The following FAM163A variants were observed in gnomAD, a reference collection of about 807,000 sequenced individuals.
The protein encoded by FAM163A is family with sequence similarity 163 member A, also known as protein FAM163A.
A neutral mutation model predicts 12.0 loss-of-function variants in FAM163A; 7 were observed. The observed-to-expected ratio is 0.58, with a 90% CI of 0.33 to 1.10. The LOEUF (loss-of-function observed/expected upper bound fraction) is 1.10, where lower values mean the gene tolerates loss of function less well. Ranked by LOEUF, FAM163A falls within the 50% of genes least tolerant of loss-of-function variation. The pLI is 0.03. For synonymous variants in FAM163A, 101 were observed against 91.0 expected (o/e 1.11, Z -0.62); for missense variants, 202 against 218.6 (o/e 0.92, Z 0.48).
chr1:179,797,120 C>G (rs992447674), intron 1 of FAM163A, among the ~76,000 whole-genome samples: 1 of 152,112 alleles, frequency 6.6e-6, no homozygotes, highest in Non-Finnish European at 1.5e-5. Context: ...CAGGACTGCC[C>G]CCTGCAGAGA....
chr1:179,768,184 C>A lies in FAM163A; in HGVS notation c.-136+24761C>A, dbSNP rs180754642. On this transcript the variant is annotated intron_variant, in intron 1 of 4. Transcript: ENST00000341785. ...TGACAGGATTTCCTTCTTAAGGCTG[C>A]ATAATATTCCATTGTATGGATATAC... 2.0e-5 allele frequency among the ~76,000 whole-genome samples: 3 copies of A among 152,356 alleles called. No homozygotes were observed. The East Asian group carries it at 5.8e-4, about 29-fold the overall frequency.
At position 179,781,197 on chromosome 1, in the gene FAM163A, G is replaced by A. The variant is rs977062704; in HGVS notation, c.-135-26601G>A. On this transcript the variant is annotated intron_variant, in intron 1 of 4. Transcript: ENST00000341785. ...ACTAGGAACAGAGTTTCTTTTTAGG[G>A]TGATGAAAATATTCTGGAATCTGAT... Among the ~76,000 whole-genome samples the A allele has an allele frequency of 4.6e-5, 7 of 152,222 alleles. No individual in the cohort carries two copies. In the South Asian group the frequency reaches 8.3e-4, roughly 18 times the overall value.
At chr1:179,795,433 G>A (rs966248353) in intron 1 of FAM163A, among the ~76,000 whole-genome samples, 5 of 152,230 alleles carry the variant, frequency 3.3e-5, no homozygotes, top group Non-Finnish European at 7.3e-5. Context: ...CCTTTGTAAA[G>A]GGATTCATAT....
chr1:179,757,894 C>T (rs528451770), intron 1 of FAM163A, among the ~76,000 whole-genome samples: 1 of 152,200 alleles, frequency 6.6e-6, no homozygotes, highest in South Asian at 2.1e-4. Context: ...TAGAATAGTC[C>T]CAAAGGGAAA....
intron 1 of FAM163A, among the ~76,000 whole-genome samples, chr1:179,800,222 C>T (rs1353369592): frequency 6.6e-6 from 1 of 152,194 alleles, no homozygotes; most frequent in Non-Finnish European, 1.5e-5. Context: ...TCTGCCAGTG[C>T]AGGGGTTCCG....
chr1:179,783,020 C>T (rs1362855892), intron 1 of FAM163A, among the ~76,000 whole-genome samples: 2 of 151,722 alleles, frequency 1.3e-5, no homozygotes, highest in African/African-American at 2.4e-5. Flanking sequence ...ATCCCAGCTA[C>T]TTGGGAGGCT....
chr1:179,809,115 A>ATT (rs1007907084), intron 2 of FAM163A, among the ~76,000 whole-genome samples: 1 of 150,606 alleles, frequency 6.6e-6, no homozygotes. Flanking sequence ...TCAAAAAAAA[A>ATT]TTTTTTTTTT....
chr1:179,781,825 T>G (rs567454528), intron 1 of FAM163A, among the ~76,000 whole-genome samples: 1 of 151,002 alleles, frequency 6.6e-6, no homozygotes, highest in Admixed American at 6.7e-5. Flanking sequence ...TCCCAGCTAC[T>G]CGGGAGGCTG....
At position 179,747,800 on chromosome 1, in the gene FAM163A, A is replaced by G. The variant is rs186005630; in HGVS notation, c.-136+4377A>G. ...ATGGATCAGTTGAAATTTCTGCAGT[A>G]TGGATAGATTTGTACAAGGCACAGT... is the stretch of plus-strand genomic sequence containing the variant. On this transcript the variant is annotated intron_variant, in intron 1 of 4. Transcript: ENST00000341785. 1.2e-4 allele frequency among the ~76,000 whole-genome samples: 19 copies of G among 152,258 alleles called. No individual in the cohort carries two copies. In the East Asian group the frequency reaches 2.9e-3, roughly 23 times the overall value.
rs928113119 is a variant in FAM163A at position 179,743,434 on chromosome 1, G to C, written c.-136+11G>C. 15 of 152,294 alleles carry C rather than the reference G, an allele frequency of 9.8e-5. 1 individual carries two copies. The highest frequency in any genetic ancestry group is 3.6e-4 in the African/African-American group (15 of 41,456). The allele number at this position is 152,294 out of a possible 1,614,324, so 9.4% of individuals were successfully genotyped here. A position where few individuals can be genotyped will look rare whatever the true frequency, so the allele number is the denominator to read the frequency against. On this transcript the variant is annotated intron_variant, in intron 1 of 4. Coordinates refer to ENST00000341785, the MANE Select transcript of FAM163A (RefSeq NM_173509.3). ...AGCTGCTCAGCCGCGGTAACGGGTC[G>C]GGGCCTCATCGTGCAGGGGAGCGAG...
intron 1 of FAM163A, among the ~76,000 whole-genome samples, chr1:179,781,237 A>G (rs1689681082): frequency 1.3e-5 from 2 of 152,164 alleles, no homozygotes; most frequent in South Asian, 2.1e-4. Context: ...GTGATGGTTC[A>G]ACAATATGGT....
intron 1 of FAM163A, among the ~76,000 whole-genome samples, chr1:179,800,465 C>G (rs1003155866): frequency 6.6e-5 from 10 of 152,232 alleles, no homozygotes; most frequent in African/African-American, 2.2e-4. Flanking sequence ...CTGAACAAGC[C>G]TGATGGATAT....
chr1:179,742,730 G>A (rs1683807465), upstream of FAM163A: 1 of 152,296 alleles, frequency 6.6e-6, no homozygotes, highest in African/African-American at 2.4e-5. Flanking sequence ...TCCTCGTGTC[G>A]AGGCATTGCT....
rs528275978 is a variant in FAM163A at position 179,777,439 on chromosome 1, G to T, written c.-135-30359G>T. Among the ~76,000 whole-genome samples, 6 of 152,238 alleles carry T rather than the reference G, an allele frequency of 3.9e-5. No homozygotes were observed. The South Asian group carries it at 1.2e-3, about 32-fold the overall frequency. ...ATGCTGTGGGTGAGTTAGACAAGGA[G>T]GCCAGGAGCTCCGTGAGATCAGCCT... On this transcript the variant is annotated intron_variant, in intron 1 of 4. Coordinates refer to ENST00000341785, the MANE Select transcript of FAM163A (RefSeq NM_173509.3).
intron 1 of FAM163A, among the ~76,000 whole-genome samples, chr1:179,785,188 G>T (rs1015467713): frequency 7.2e-5 from 11 of 152,054 alleles, no homozygotes; most frequent in African/African-American, 2.4e-4. Context: ...CCTCACCCTG[G>T]CAACTGATTA....
the FAM163A span, among the ~76,000 whole-genome samples, chr1:179,734,153 T>C: frequency 6.6e-6 from 1 of 152,180 alleles, no homozygotes; most frequent in Non-Finnish European, 1.5e-5. Flanking sequence ...CAAAATCAGA[T>C]CAACTCAGCT....
chr1:179,775,358 T>C (rs754226339), intron 1 of FAM163A, among the ~76,000 whole-genome samples: 8 of 152,214 alleles, frequency 5.3e-5, no homozygotes, highest in Non-Finnish European at 1.0e-4. Flanking sequence ...ACAATCAGTC[T>C]GATTGGTTGC....
chr1:179,780,933 T>C (rs1020227427), intron 1 of FAM163A, among the ~76,000 whole-genome samples: 2 of 152,202 alleles, frequency 1.3e-5, no homozygotes, highest in African/African-American at 4.8e-5. Flanking sequence ...TTGCTGATTA[T>C]AATATGTGGC....
the FAM163A span, among the ~76,000 whole-genome samples, chr1:179,731,685 G>C: frequency 6.6e-6 from 1 of 152,160 alleles, no homozygotes; most frequent in Non-Finnish European, 1.5e-5. Flanking sequence ...GCAGGGTTTG[G>C]AACAACCCCT....
Sources: gnomAD v4.1 joint callset for allele counts (sites outside exome capture counted in the v4.1 genomes callset) on GRCh38, gnomAD v4.1.1 for gene constraint, MANE v1.5 for transcripts, NCBI Gene and HGNC (gene_info 2026-07-23, HGNC 2026-07-21) for gene names.